Variants in FBXL4 observed in about 807,000 individuals in gnomAD.
FBXL4 encodes the protein F-box and leucine rich repeat protein 4.
A neutral mutation model predicts 58.9 loss-of-function variants in FBXL4; 40 were observed. The observed-to-expected ratio is 0.68, with a 90% CI of 0.53 to 0.88. The LOEUF (loss-of-function observed/expected upper bound fraction) is 0.88, where lower values mean the gene tolerates loss of function less well. Among genes scored for constraint, FBXL4 ranks in the 40% least tolerant of loss-of-function variants. The pLI is 0.00. For synonymous variants in FBXL4, 263 were observed against 265.5 expected (o/e 0.99, Z 0.09); for missense variants, 676 against 734.4 (o/e 0.92, Z 0.92).
intron 5 of FBXL4, among the ~76,000 whole-genome samples, chr6:98,908,219 T>G (rs1771886553): frequency 6.6e-6 from 1 of 152,174 alleles, no homozygotes; most frequent in Admixed American, 6.6e-5. Context: ...CCAAAGATAA[T>G]CATTGTTTTT....
At chr6:98,919,763 T>C (rs1233556625) in intron 4 of FBXL4, among the ~76,000 whole-genome samples, 2 of 152,226 alleles carry the variant, frequency 1.3e-5, no homozygotes, top group African/African-American at 4.8e-5. Flanking sequence ...TGAGAAAATG[T>C]ATGCCTAATT....
chr6:98,935,807 A>AAAAAAAG (rs1229171406), intron 1 of FBXL4, among the ~76,000 whole-genome samples: 4 of 151,438 alleles, frequency 2.6e-5, no homozygotes, highest in Admixed American at 2.6e-4. Context: ...AAAAAAAAAA[A>AAAAAAAG]AGAATAAGGC....
chr6:98,934,282 C>T (rs1582451157), intron 2 of FBXL4, among the ~76,000 whole-genome samples: 1 of 151,966 alleles, frequency 6.6e-6, no homozygotes, highest in East Asian at 1.9e-4. Context: ...AAAGAGATAA[C>T]CTACAAGTTA....
At chr6:98,930,594 C>T (rs890093944) in intron 2 of FBXL4, among the ~76,000 whole-genome samples, 3 of 152,112 alleles carry the variant, frequency 2.0e-5, no homozygotes, top group African/African-American at 7.2e-5. Context: ...TCAAACATTT[C>T]ACCTACCACA....
rs974453997 is a variant in FBXL4 at position 98,888,484 on chromosome 6, G to A, written c.1318-7860C>T. Among the ~76,000 whole-genome samples, 8 of 152,318 alleles carry A rather than the reference G, an allele frequency of 5.3e-5. No homozygotes were observed. The South Asian group carries it at 1.0e-3, about 20-fold the overall frequency. ...ATGGATCAAAGCTATATTATTAGGT[G>A]TACTGTGAAAATGGCACAGTATTTA... is the stretch of plus-strand genomic sequence containing the variant. On this transcript the variant is annotated intron_variant, in intron 7 of 9. Coordinates refer to ENST00000369244, the MANE Select transcript of FBXL4 (RefSeq NM_001278716.2).
chr6:98,943,325 C>A (rs1288108400), intron 1 of FBXL4, among the ~76,000 whole-genome samples: 2 of 151,398 alleles, frequency 1.3e-5, no homozygotes, highest in Non-Finnish European at 2.9e-5. Flanking sequence ...GTAACCCCAG[C>A]ACGTTGGGAG....
rs1292232848 is a variant in FBXL4 at position 98,870,233 on chromosome 6, T to A, written c.*4045A>T. 6.6e-6 allele frequency: 1 copy of A among 152,182 alleles called. No homozygotes were observed. The highest frequency in any genetic ancestry group is 2.4e-5 in the African/African-American group (1 of 41,446). The allele number at this position is 152,182 out of a possible 1,614,324, so 9.4% of individuals were successfully genotyped here. A position where few individuals can be genotyped will look rare whatever the true frequency, so the allele number is the denominator to read the frequency against. Reference sequence around the variant, plus strand: ...TTATAAAATTAGGAATGGGCAAACATGGATTAACTGACTCGAAAATACTCT... The same window carrying A: ...TTATAAAATTAGGAATGGGCAAACAAGGATTAACTGACTCGAAAATACTCT... On this transcript the variant is annotated 3_prime_UTR_variant, in exon 10 of 10. Coordinates refer to ENST00000369244, the MANE Select transcript of FBXL4 (RefSeq NM_001278716.2).
At chr6:98,938,295 T>C (rs1422790164) in intron 1 of FBXL4, among the ~76,000 whole-genome samples, 2 of 152,166 alleles carry the variant, frequency 1.3e-5, no homozygotes, top group African/African-American at 2.4e-5. Flanking sequence ...TAGAGTACCA[T>C]GTATAGTAAG....
Position 98,874,218 on chromosome 6 carries a change from C to T in FBXL4, c.*60G>A. 1 of 1,376,238 alleles carries T rather than the reference C, an allele frequency of 7.3e-7. No individual in the cohort carries two copies. Among genetic ancestry groups the T allele is most frequent in the Non-Finnish European group, 9.6e-7 (1 of 1,037,448 alleles). The allele number at this position is 1,376,238 out of a possible 1,614,324, so 85.3% of individuals were successfully genotyped here. ...AAACAACTAAAAACAAAACCCAAAA[C>T]CAATCCCAAAATTAAACCCCAACAA... On this transcript the variant is annotated 3_prime_UTR_variant, in exon 10 of 10. Transcript: ENST00000369244.
rs9402322 is a variant in FBXL4 at position 98,939,608 on chromosome 6, G to C, written c.-308-4729C>G. Reference sequence around the variant, plus strand: ...TCACAGTGGTCCTTTTGCTGGATTCGTTTATCTTGAAATGACAGGTAACCA... The same window carrying C: ...TCACAGTGGTCCTTTTGCTGGATTCCTTTATCTTGAAATGACAGGTAACCA... On this transcript the variant is annotated intron_variant, in intron 1 of 9. Transcript: ENST00000369244. Among the ~76,000 whole-genome samples, 82 of 152,252 alleles carry C rather than the reference G, an allele frequency of 5.4e-4. 1 individual carries two copies. The East Asian group carries it at 0.015, about 28-fold the overall frequency.
intron 5 of FBXL4, among the ~76,000 whole-genome samples, chr6:98,908,433 T>C (rs1771898467): frequency 6.6e-6 from 1 of 152,230 alleles, no homozygotes. Flanking sequence ...ATGTATGTCC[T>C]GCTTTTTTTC....
intron 4 of FBXL4, among the ~76,000 whole-genome samples, chr6:98,921,354 C>T (rs1029202213): frequency 1.3e-5 from 2 of 151,220 alleles, no homozygotes; most frequent in African/African-American, 4.9e-5. Flanking sequence ...TGAAGCCAGG[C>T]AGATGAGTAC....
At chr6:98,905,813 T>A in intron 5 of FBXL4, 143 bp from the exon 6 acceptor site, 6 of 853,656 alleles carry the variant, frequency 7.0e-6, no homozygotes, top group Non-Finnish European at 1.1e-5. Flanking sequence ...TCCAACAGAA[T>A]TATCCAAATA....
At chr6:98,908,897 T>C (rs1192724520) in intron 5 of FBXL4, among the ~76,000 whole-genome samples, 1 of 152,180 alleles carries the variant, frequency 6.6e-6, no homozygotes, top group Non-Finnish European at 1.5e-5. Flanking sequence ...TTAAAGCATA[T>C]GTGTTGGAAT....
intron 2 of FBXL4, 146 bp downstream of exon 2, chr6:98,934,616 T>A (rs1000646488): frequency 1.4e-4 from 22 of 152,224 alleles, no homozygotes; most frequent in Non-Finnish European, 2.1e-4. Context: ...AGTGTCAGCA[T>A]GGAAACTACT....
At chr6:98,922,472 A>G (rs1240633214) in intron 4 of FBXL4, among the ~76,000 whole-genome samples, 1 of 152,250 alleles carries the variant, frequency 6.6e-6, no homozygotes, top group East Asian at 1.9e-4. Context: ...AATTAAAATA[A>G]TAGACACTGT....
intron 7 of FBXL4, among the ~76,000 whole-genome samples, chr6:98,883,524 T>C (rs181926552): frequency 1.3e-5 from 2 of 151,358 alleles, no homozygotes; most frequent in East Asian, 3.9e-4. Context: ...TCTAAGATTC[T>C]TTTTTTTTAA....
intron 7 of FBXL4, among the ~76,000 whole-genome samples, chr6:98,892,674 T>C (rs541936363): frequency 6.6e-6 from 1 of 152,288 alleles, no homozygotes; most frequent in South Asian, 2.1e-4. Flanking sequence ...TACTTATATA[T>C]ATGCTCTGCC....
chr6:98,899,037 T>C (rs998496822), intron 7 of FBXL4: 3 of 985,340 alleles, frequency 3.0e-6, no homozygotes, highest in East Asian at 1.1e-4. Context: ...ATAAATAGCA[T>C]CACAAAAATT....
Sources: allele counts gnomAD v4.1 joint callset (sites outside exome capture counted in the v4.1 genomes callset), GRCh38; gene constraint gnomAD v4.1.1; transcripts MANE v1.5; gene names NCBI Gene and HGNC (gene_info 2026-07-23, HGNC 2026-07-21).